The following SEMA3D variants were observed in gnomAD, a reference collection of about 807,000 sequenced individuals.
The protein encoded by SEMA3D is semaphorin-3D.
Under a neutral mutation model 100.1 loss-of-function variants are expected in SEMA3D, and 84 were observed. That is an observed-to-expected ratio of 0.84 (90% CI 0.70 to 1.01). The LOEUF (loss-of-function observed/expected upper bound fraction) is 1.01. Among genes scored for constraint, SEMA3D ranks in the 50% least tolerant of loss-of-function variants. The pLI is 0.00. For missense variants in SEMA3D, 875 were observed against 934.1 expected (o/e 0.94, Z 0.82); for synonymous variants, 312 against 320.7 (o/e 0.97, Z 0.29).
intron 10 of SEMA3D, 199 bp downstream of exon 10, chr7:85,041,972 G>C (rs1214013147): frequency 1.9e-6 from 1 of 540,042 alleles, no homozygotes; most frequent in Non-Finnish European, 3.3e-6. Context: ...CTTACAAAGA[G>C]AAGAGTTACT....
intron 17 of SEMA3D, among the ~76,000 whole-genome samples, chr7:85,011,182 T>C (rs370642744): frequency 2.0e-5 from 3 of 151,950 alleles, no homozygotes; most frequent in East Asian, 3.9e-4. Context: ...AATCAACTTA[T>C]ATGAGGCCAC....
rs1169701532 is a variant in SEMA3D, at chr7:84,999,873, A to C, written c.1909-8T>G. ...TCTTTCATCGGGCTTCAACTGCAGA[A>C]TTGGAAAAATGTAGGTAATAAATTA... On this transcript the variant is annotated splice_polypyrimidine_tract_variant and splice_region_variant and intron_variant, in intron 18 of 18. Transcript: ENST00000284136. 2 of 1,609,462 alleles carry C rather than the reference A, an allele frequency of 1.2e-6. No individual in the cohort carries two copies. Among genetic ancestry groups the C allele is most frequent in the East Asian group, 4.5e-5 (2 of 44,790 alleles).
chr7:85,225,154 A>G, the SEMA3D span, among the ~76,000 whole-genome samples: 1 of 140,066 alleles, frequency 7.1e-6, no homozygotes, highest in Non-Finnish European at 1.5e-5. Flanking sequence ...AAATACATAT[A>G]TATAATAAAT....
At chr7:85,136,552 T>C (rs1294932863) in intron 2 of SEMA3D, among the ~76,000 whole-genome samples, 5 of 152,278 alleles carry the variant, frequency 3.3e-5, no homozygotes, top group African/African-American at 7.2e-5. Flanking sequence ...GTAAATGGTA[T>C]TTCAAGATTA....
chr7:85,043,223 G>C (rs573512842), intron 9 of SEMA3D, among the ~76,000 whole-genome samples: 1 of 152,142 alleles, frequency 6.6e-6, no homozygotes, highest in East Asian at 1.9e-4. Context: ...GTCATGTGTG[G>C]TGGGGTGTCC....
chr7:85,149,325 C>T (rs1449622678), intron 2 of SEMA3D, among the ~76,000 whole-genome samples: 2 of 151,964 alleles, frequency 1.3e-5, no homozygotes, highest in African/African-American at 4.8e-5. Flanking sequence ...GGCATGGTGG[C>T]ACGTGCCTGT....
At chr7:85,028,382 GACAA>G in intron 12 of SEMA3D, 15 of 141,030 alleles carry the variant, frequency 1.1e-4, no homozygotes, top group South Asian at 3.9e-4. Flanking sequence ...TTACAGTTTA[GACAA>G]AAAAAAAAAA....
intron 1 of SEMA3D, among the ~76,000 whole-genome samples, chr7:85,170,673 T>C (rs1254683947): frequency 6.6e-6 from 1 of 152,002 alleles, no homozygotes; most frequent in African/African-American, 2.4e-5. Flanking sequence ...GTCTAGCCCA[T>C]ATCACATATG....
chr7:85,125,839 A>T (rs1395332758), intron 2 of SEMA3D, among the ~76,000 whole-genome samples: 1 of 150,870 alleles, frequency 6.6e-6, no homozygotes, highest in African/African-American at 2.4e-5. Context: ...TGCATCTGGG[A>T]TGAATTATGG....
chr7:85,077,739 C>A (rs529315762), intron 5 of SEMA3D, among the ~76,000 whole-genome samples: 2 of 152,126 alleles, frequency 1.3e-5, no homozygotes, highest in African/African-American at 4.8e-5. Context: ...TAAATACACC[C>A]TCCCTTGATC....
intron 3 of SEMA3D, among the ~76,000 whole-genome samples, chr7:85,109,048 T>C (rs1789014728): frequency 1.3e-5 from 2 of 151,994 alleles, no homozygotes; most frequent in African/African-American, 4.8e-5. Context: ...ACTACAATTA[T>C]ATTCTTAAAT....
chr7:85,214,878 CTA>C, the SEMA3D span, among the ~76,000 whole-genome samples: 124 of 152,236 alleles, frequency 8.1e-4, 1 homozygote, highest in African/African-American at 2.6e-3. Context: ...ACTGATCAAA[CTA>C]TGTACGTATG....
chr7:85,052,197 G>A (rs573416054), intron 9 of SEMA3D, among the ~76,000 whole-genome samples: 2 of 151,794 alleles, frequency 1.3e-5, no homozygotes, highest in Non-Finnish European at 2.9e-5. Flanking sequence ...AACCTAACAG[G>A]TCTCCCAGTC....
At chr7:85,117,746 G>A (rs377038280) in intron 3 of SEMA3D, among the ~76,000 whole-genome samples, 6 of 151,240 alleles carry the variant, frequency 4.0e-5, no homozygotes, top group African/African-American at 7.3e-5. Context: ...GTACTTGAGC[G>A]TGGGAGACAG....
chr7:85,181,380 A>T (rs1013565702), intron 1 of SEMA3D, among the ~76,000 whole-genome samples: 9 of 151,708 alleles, frequency 5.9e-5, no homozygotes, highest in African/African-American at 2.2e-4. Context: ...CTAGAGTTGT[A>T]TTGAAAAGAC....
At chr7:85,216,226 T>G in the SEMA3D span, among the ~76,000 whole-genome samples, 2 of 152,072 alleles carry the variant, frequency 1.3e-5, no homozygotes, top group African/African-American at 4.8e-5. Context: ...ACTTCATTCA[T>G]TTTGGAGAAA....
chr7:85,184,610 G>T (rs1008168578), intron 1 of SEMA3D, among the ~76,000 whole-genome samples: 1 of 152,094 alleles, frequency 6.6e-6, no homozygotes, highest in Admixed American at 6.5e-5. Flanking sequence ...ATAGGTGTTT[G>T]ATAAATGTTT....
rs770267949 is a variant in SEMA3D, at chr7:85,065,525, G to C, written c.617C>G (p.Ser206Cys). Residue 206 changes from serine (S) to cysteine (C), a missense_variant, in exon 8 of 19, where the codon TCT (serine) becomes TGT (cysteine). Coordinates refer to ENST00000284136, the MANE Select transcript of SEMA3D (RefSeq NM_001384900.1). ...TDEYLYSGTA[S>C]DFLGKDTAFT... is the part of the protein sequence containing the mutation. ...TGCAGTATCTTTGCCAAGGAAATCA[G>C]AAGCTGTTCCAGAGTAGAGGTACTC... The C allele has an allele frequency of 8.7e-6, 14 of 1,613,228 alleles. No homozygotes were observed. In the East Asian group the frequency reaches 3.1e-4, roughly 36 times the overall value.
At chr7:85,141,660 C>T (rs773848877) in intron 2 of SEMA3D, 448 of 983,460 alleles carry the variant, frequency 4.6e-4, no homozygotes, top group South Asian at 6.6e-4. Context: ...TAAATAAGAA[C>T]ATGTTCCTTT....
Sources: gnomAD v4.1 joint callset for allele counts (sites outside exome capture counted in the v4.1 genomes callset) on GRCh38, gnomAD v4.1.1 for gene constraint, MANE v1.5 for transcripts, NCBI Gene and HGNC (gene_info 2026-07-23, HGNC 2026-07-21) for gene names.